The following STARD8 variants were observed in gnomAD, a reference collection of about 807,000 sequenced individuals.
STARD8 encodes StAR related lipid transfer domain containing 8, also known as stAR-related lipid transfer protein 8.
Under a neutral mutation model 69.4 loss-of-function variants are expected in STARD8, and 25 were observed. That is an observed-to-expected ratio of 0.36 (90% CI 0.26 to 0.50). STARD8 has a LOEUF of 0.50. Ranked by LOEUF, STARD8 falls within the 20% of genes least tolerant of loss-of-function variation. STARD8 has a pLI of 0.96. For missense variants in STARD8, 921 were observed against 932.5 expected (o/e 0.99, Z 0.16); for synonymous variants, 389 against 374.6 (o/e 1.04, Z -0.45).
chrX:68,676,812 T>C (rs1171095137), intron 2 of STARD8, among the ~76,000 whole-genome samples: 2 of 112,027 alleles, frequency 1.8e-5, no homozygotes, highest in African/African-American at 6.5e-5. Flanking sequence ...GTTTGTTTTA[T>C]TTGTTTTTCC....
intron 2 of STARD8, among the ~76,000 whole-genome samples, chrX:68,680,851 G>A (rs181504408): frequency 5.4e-5 from 6 of 110,855 alleles, no homozygotes; most frequent in East Asian, 5.7e-4. Flanking sequence ...AGAAAGCAGC[G>A]AGGCAGGGTG....
chrX:68,662,164 C>T (rs188697897), intron 1 of STARD8, among the ~76,000 whole-genome samples: 77 of 110,047 alleles, frequency 7.0e-4, no homozygotes, highest in African/African-American at 2.3e-3. Context: ...TGTGCCACCA[C>T]GCCCAGCTAA....
intron 10 of STARD8, 136 bp downstream of exon 10, chrX:68,721,882 C>G: frequency 1.2e-6 from 1 of 806,446 alleles, no homozygotes; most frequent in South Asian, 2.6e-5. Context: ...CTCAGGGGCC[C>G]TGGGCTGGTG....
At chrX:68,684,105 T>C (rs976610741) in intron 2 of STARD8, among the ~76,000 whole-genome samples, 3 of 112,859 alleles carry the variant, frequency 2.7e-5, no homozygotes, top group African/African-American at 6.4e-5. Context: ...TTAGATCCAT[T>C]CTTGCATCTC....
chrX:68,695,462 G>A (rs1158411156), intron 2 of STARD8, among the ~76,000 whole-genome samples: 2 of 111,453 alleles, frequency 1.8e-5, no homozygotes, highest in Non-Finnish European at 3.8e-5. Context: ...ACACCACACT[G>A]GACACTGCCT....
At chrX:68,687,663 C>G (rs1465459900) in intron 2 of STARD8, among the ~76,000 whole-genome samples, 1 of 112,459 alleles carries the variant, frequency 8.9e-6, no homozygotes, top group Non-Finnish European at 1.9e-5. Flanking sequence ...GGGCAAGACT[C>G]TCAGCCAGGT....
intron 1 of STARD8, among the ~76,000 whole-genome samples, chrX:68,657,148 T>C (rs1291874282): frequency 8.9e-6 from 1 of 111,963 alleles, no homozygotes; most frequent in Non-Finnish European, 1.9e-5. Flanking sequence ...AAGGGGCACA[T>C]AGTAAGCATT....
Position 68,724,677 on chromosome X carries a change from G to A in STARD8, c.*255G>A, listed in dbSNP as rs1397051952. On this transcript the variant is annotated 3_prime_UTR_variant, in exon 15 of 15. Coordinates refer to ENST00000374599, the MANE Select transcript of STARD8 (RefSeq NM_001142503.3). ...ACTCTCCCGAAAAGAGAAGAGAATC[G>A]CATGAGTAGCAAGACTGCTGCCACC... 1.4e-5 allele frequency: 4 copies of A among 293,239 alleles called. No homozygotes were observed. The highest frequency in any genetic ancestry group is 2.7e-5 in the African/African-American group (1 of 37,122). The allele number at this position is 293,239 out of a possible 1,213,427, so 24.2% of individuals were successfully genotyped here. A position where few individuals can be genotyped will look rare whatever the true frequency, so the allele number is the denominator to read the frequency against.
intron 2 of STARD8, among the ~76,000 whole-genome samples, chrX:68,672,714 C>G (rs2079736505): frequency 1.0e-5 from 1 of 97,996 alleles, no homozygotes; most frequent in Admixed American, 1.0e-4. Context: ...TCAAACAGCG[C>G]CCCACCCCCC....
At chrX:68,660,065 G>A (rs1476690213) in intron 1 of STARD8, among the ~76,000 whole-genome samples, 2 of 110,988 alleles carry the variant, frequency 1.8e-5, no homozygotes, top group Non-Finnish European at 3.8e-5. Context: ...TTTCTGAGAG[G>A]CCTTCTGTGA....
intron 7 of STARD8, among the ~76,000 whole-genome samples, 185 bp from the exon 8 acceptor site, chrX:68,720,079 T>A (rs2080133479): frequency 8.9e-6 from 1 of 112,609 alleles, no homozygotes; most frequent in African/African-American, 3.2e-5. Flanking sequence ...TTGGCCAGAC[T>A]GAGAGCTCTC....
chrX:68,699,722 C>G (rs928422263), intron 2 of STARD8, among the ~76,000 whole-genome samples: 3 of 112,095 alleles, frequency 2.7e-5, no homozygotes, highest in Non-Finnish European at 5.6e-5. Flanking sequence ...GCACTGGAAA[C>G]CCCTCACTCC....
At chrX:68,678,743 CT>C (rs1373378902) in intron 2 of STARD8, among the ~76,000 whole-genome samples, 1 of 112,496 alleles carries the variant, frequency 8.9e-6, no homozygotes, top group Non-Finnish European at 1.9e-5. Flanking sequence ...CACAGTCATA[CT>C]ATGAGTTGAA....
Position 68,721,538 on chromosome X carries a change from C to T in STARD8, c.2251C>T (p.Leu751Phe), listed in dbSNP as rs764462440. ...CTTCTTCCATTGCTTCCTCACAGTC[C>T]TCCCCAAGGATCAGTGGTTGGCAGC... The part of the protein sequence containing the change: ...TTTFLQIYQL[L>F]PKDQWLAAAQ... Residue 751 changes from leucine (L) to phenylalanine (F), a missense_variant and splice_region_variant, in exon 10 of 15, where the codon CTC becomes TTC. Transcript: ENST00000374599. 2 of 1,211,007 alleles carry T rather than the reference C, an allele frequency of 1.7e-6. No homozygotes were observed. Among genetic ancestry groups the T allele is most frequent in the South Asian group, 1.8e-5 (1 of 56,793 alleles).
In STARD8 at chrX:68,717,887, C is replaced by T; in HGVS notation, c.973C>T (p.His325Tyr). ...SIESLCPEDGHRLADWQPGRR... is the reference protein window; with the variant it reads ...SIESLCPEDGYRLADWQPGRR... ...TGAGAGCCTGTGTCCTGAGGATGGA[C>T]ACCGCCTGGCAGACTGGCAGCCAGG... The change falls in exon 6 of 15, where the codon CAC (histidine) becomes TAC (tyrosine). Residue 325 changes from histidine to tyrosine, a missense_variant. Coordinates refer to ENST00000374599, the MANE Select transcript of STARD8 (RefSeq NM_001142503.3). 1.7e-6 allele frequency: 2 copies of T among 1,208,342 alleles called. No homozygotes were observed. Among genetic ancestry groups the T allele is most frequent in the Non-Finnish European group, 2.2e-6 (2 of 893,801 alleles).
intron 2 of STARD8, among the ~76,000 whole-genome samples, chrX:68,678,686 G>A (rs2079782451): frequency 8.9e-6 from 1 of 112,205 alleles, no homozygotes; most frequent in Non-Finnish European, 1.9e-5. Flanking sequence ...GGCTGCCAGA[G>A]CAGGCTCTAG....
intron 2 of STARD8, among the ~76,000 whole-genome samples, chrX:68,702,304 A>T (rs1326673602): frequency 1.8e-5 from 2 of 112,211 alleles, no homozygotes; most frequent in African/African-American, 6.5e-5. Flanking sequence ...GGGAGGCTGA[A>T]ATGGGAACAG....
chrX:68,651,574 A>AG (rs2079548253), intron 1 of STARD8, among the ~76,000 whole-genome samples: 1 of 111,378 alleles, frequency 9.0e-6, no homozygotes, highest in Admixed American at 9.5e-5. Context: ...CAGAGCTGAA[A>AG]GGGCCCTCTC....
At chrX:68,719,014 G>A (rs745869653) in intron 6 of STARD8, among the ~76,000 whole-genome samples, 3 of 110,726 alleles carry the variant, frequency 2.7e-5, no homozygotes, top group African/African-American at 9.9e-5. Context: ...CCTGAGCTCT[G>A]TGCCACCCTC....
Sources: gnomAD v4.1 joint callset for allele counts (sites outside exome capture counted in the v4.1 genomes callset) on GRCh38, gnomAD v4.1.1 for gene constraint, MANE v1.5 for transcripts, NCBI Gene and HGNC (gene_info 2026-07-23, HGNC 2026-07-21) for gene names.